CNOT7: variants seen among roughly 807,000 people sequenced by gnomAD.
CNOT7 encodes BTG1-binding factor 1.
CNOT7 carries 4 observed loss-of-function variants against 37.1 expected under a neutral mutation model. That is an observed-to-expected ratio of 0.11 (90% CI 0.05 to 0.25). The LOEUF is 0.25. Among genes scored for constraint, CNOT7 ranks in the 10% least tolerant of loss-of-function variants. The pLI is 1.00. For synonymous variants in CNOT7, 128 were observed against 115.6 expected, an observed-to-expected ratio of 1.11 and a Z score of -0.69; for missense variants, 170 against 336.2, an observed-to-expected ratio of 0.51 and a Z score of 3.87.
chr8:17,225,393 T>C lies in CNOT7; in HGVS notation c.*5327A>G, dbSNP rs1389679332. The C allele has an allele frequency of 6.6e-6, 1 of 151,778 alleles. No homozygotes were observed. Among genetic ancestry groups the C allele is most frequent in the African/African-American group, 2.4e-5 (1 of 41,416 alleles). 9.4% of individuals were successfully genotyped at this position (151,778 alleles called of 1,614,324 possible). A position where few individuals can be genotyped will look rare whatever the true frequency, so the allele number is the denominator to read the frequency against. ...TTCCTCCATACCAGGAAGGAGAGTA[T>C]TGACCAGTTTATCTTTAAAAAGAAA... On this transcript the variant is annotated 3_prime_UTR_variant, in exon 7 of 7. Transcript: ENST00000361272.
chr8:17,231,981 T>C (rs564566602), intron 6 of CNOT7: 1 of 991,594 alleles, frequency 1.0e-6, no homozygotes, highest in Non-Finnish European at 1.2e-6. Flanking sequence ...CATGAGCAAA[T>C]AATATATTTA....
intron 3 of CNOT7, among the ~76,000 whole-genome samples, chr8:17,239,143 C>A (rs961952616): frequency 6.6e-6 from 1 of 152,200 alleles, no homozygotes; most frequent in African/African-American, 2.4e-5. Flanking sequence ...GCCTTGACCT[C>A]CCGGACTCAA....
At chr8:17,243,273 C>T (rs770178567) in intron 2 of CNOT7, 88 bp from the exon 3 acceptor site, 146 of 979,502 alleles carry the variant, frequency 1.5e-4, no homozygotes, top group Admixed American at 2.7e-4. Flanking sequence ...ATCAAAGAAT[C>T]CTACAGATGA....
Position 17,225,331 on chromosome 8 carries a change from C to G in CNOT7, c.*5389G>C, listed in dbSNP as rs1479637304. On this transcript the variant is annotated 3_prime_UTR_variant, in exon 7 of 7. Transcript: ENST00000361272. ...CTCCTATGACAATAAAGCAAGAGGG[C>G]AGATTATATTCATGAATGCTTCTCA... The G allele has an allele frequency of 6.6e-6, 1 of 151,632 alleles. No homozygotes were observed. Among genetic ancestry groups the G allele is most frequent in the Non-Finnish European group, 1.5e-5 (1 of 67,678 alleles). 9.4% of individuals were successfully genotyped at this position (151,632 alleles called of 1,614,324 possible).
At chr8:17,238,526 T>TTC (rs1554477179) in intron 3 of CNOT7, among the ~76,000 whole-genome samples, 2 of 147,288 alleles carry the variant, frequency 1.4e-5, no homozygotes, top group African/African-American at 5.0e-5. Context: ...TTTTTTTTTT[T>TTC]CCAGTGAAAC....
At position 17,226,872 on chromosome 8, in the gene CNOT7, G is replaced by A. The variant is rs1808191898; in HGVS notation, c.*3848C>T. The A allele has an allele frequency of 6.6e-6, 1 of 151,718 alleles. No homozygotes were observed. The highest frequency in any genetic ancestry group is 2.4e-5 in the African/African-American group (1 of 41,374). 9.4% of individuals were successfully genotyped at this position (151,718 alleles called of 1,614,324 possible). On this transcript the variant is annotated 3_prime_UTR_variant, in exon 7 of 7. Coordinates refer to ENST00000361272, the MANE Select transcript of CNOT7 (RefSeq NM_013354.7). ...AAGTTACTCAGTGTTAAAAAACAGT[G>A]GTTGAGGATGGTTTTTCTCATTCAG...
intron 2 of CNOT7, 190 bp downstream of exon 2, chr8:17,244,846 G>C: frequency 5.5e-6 from 3 of 540,796 alleles, no homozygotes; most frequent in South Asian, 2.3e-5. Flanking sequence ...ACTGCAATGA[G>C]GGATAAACCC....
At chr8:17,235,753 C>T (rs1809268617) in intron 4 of CNOT7, among the ~76,000 whole-genome samples, 1 of 152,118 alleles carries the variant, frequency 6.6e-6, no homozygotes, top group South Asian at 2.1e-4. Context: ...TTAAACTATT[C>T]TTCATTACTT....
chr8:17,237,448 T>C, intron 3 of CNOT7, 75 bp from the exon 4 acceptor site: 12 of 1,373,378 alleles, frequency 8.7e-6, no homozygotes, highest in South Asian at 1.3e-5. Context: ...CTTACATCTA[T>C]AACTACAGTG....
chr8:17,245,283 T>C (rs933426389), intron 1 of CNOT7, 36 bp from the exon 2 acceptor site: 25 of 902,598 alleles, frequency 2.8e-5, no homozygotes, highest in African/African-American at 5.2e-5. Flanking sequence ...AGACCAGATA[T>C]ATCAAATCTG....
At chr8:17,230,908 A>G in intron 6 of CNOT7, 60 bp from the exon 7 acceptor site, 1 of 1,278,990 alleles carries the variant, frequency 7.8e-7, no homozygotes, top group South Asian at 1.4e-5. Context: ...ACCACTTGTA[A>G]TTTATATTTC....
chr8:17,236,446 G>A (rs559553767), intron 4 of CNOT7, among the ~76,000 whole-genome samples: 3 of 152,208 alleles, frequency 2.0e-5, no homozygotes, highest in African/African-American at 4.8e-5. Context: ...TCACAAAATC[G>A]GAATAGTTTC....
chr8:17,245,345 T>A (rs1810775796), intron 1 of CNOT7, 98 bp from the exon 2 acceptor site: 2 of 533,744 alleles, frequency 3.7e-6, no homozygotes, highest in Non-Finnish European at 5.9e-6. Context: ...TTATTCAAAG[T>A]TCTTGACTCA....
chr8:17,242,065 C>T (rs1226927892), intron 3 of CNOT7: 2 of 152,186 alleles, frequency 1.3e-5, no homozygotes, highest in African/African-American at 4.8e-5. Context: ...CTCACTCACA[C>T]TGGGACAACT....
chr8:17,242,158 C>A (rs1400073689), intron 3 of CNOT7: 3 of 152,114 alleles, frequency 2.0e-5, no homozygotes. Context: ...CACATATACA[C>A]GAGAACGTGC....
chr8:17,237,085 G>C, intron 4 of CNOT7, 127 bp downstream of exon 4: 2 of 862,234 alleles, frequency 2.3e-6, no homozygotes, highest in Non-Finnish European at 3.7e-6. Context: ...AGAGTTAGGA[G>C]ACAACTCTAT....
intron 4 of CNOT7, among the ~76,000 whole-genome samples, chr8:17,235,430 A>G (rs1354969543): frequency 6.6e-6 from 1 of 152,150 alleles, no homozygotes; most frequent in Non-Finnish European, 1.5e-5. Flanking sequence ...TTCCTTCACA[A>G]TTCTCTTCCT....
chr8:17,234,300 C>T (rs1447899260), intron 5 of CNOT7, among the ~76,000 whole-genome samples: 1 of 152,194 alleles, frequency 6.6e-6, no homozygotes, highest in Non-Finnish European at 1.5e-5. Context: ...ACTTTTGCCA[C>T]ACTACTAAAT....
At chr8:17,237,548 T>C in intron 3 of CNOT7, 175 bp from the exon 4 acceptor site, 2 of 559,312 alleles carry the variant, frequency 3.6e-6, no homozygotes, top group Non-Finnish European at 3.2e-6. Flanking sequence ...ACAAAGGTCA[T>C]TATTTCAGAA....
Sources: gnomAD v4.1 joint callset for allele counts (sites outside exome capture counted in the v4.1 genomes callset) on GRCh38, gnomAD v4.1.1 for gene constraint, MANE v1.5 for transcripts, NCBI Gene and HGNC (gene_info 2026-07-23, HGNC 2026-07-21) for gene names.